NLGN1: variants seen among roughly 807,000 people sequenced by gnomAD.
NLGN1 encodes the protein neuroligin-1.
Under a neutral mutation model 65.5 loss-of-function variants are expected in NLGN1, and 12 were observed. The observed-to-expected ratio is 0.18, with a 90% CI of 0.12 to 0.30. The LOEUF is 0.30. NLGN1 is among the 10% of genes least tolerant of loss of function. The pLI is 1.00. For missense variants in NLGN1, 750 were observed against 1,007.1 expected (o/e 0.74, Z 3.46); for synonymous variants, 350 against 359.5 (o/e 0.97, Z 0.30).
chr3:173,451,917 A>G (rs958121399), intron 2 of NLGN1, among the ~76,000 whole-genome samples: 5 of 152,190 alleles, frequency 3.3e-5, no homozygotes, highest in African/African-American at 4.8e-5. Context: ...AAAGTGCAGT[A>G]TTAGGGTGGG....
chr3:173,866,169 G>A (rs149511084), intron 4 of NLGN1, among the ~76,000 whole-genome samples: 1 of 152,186 alleles, frequency 6.6e-6, no homozygotes, highest in African/African-American at 2.4e-5. Flanking sequence ...TGAATTGCAA[G>A]CAGGTAATTA....
chr3:173,413,364 G>C (rs1178910920), intron 1 of NLGN1, among the ~76,000 whole-genome samples: 1 of 152,110 alleles, frequency 6.6e-6, no homozygotes, highest in South Asian at 2.1e-4. Context: ...CACTTTGGGA[G>C]GCTGAGGTGG....
intron 4 of NLGN1, among the ~76,000 whole-genome samples, chr3:174,217,661 A>G (rs1737868584): frequency 6.6e-6 from 1 of 152,060 alleles, no homozygotes; most frequent in African/African-American, 2.4e-5. Flanking sequence ...GGGGAACATG[A>G]AATTCAGTCC....
At chr3:173,751,985 A>G (rs1776370903) in intron 3 of NLGN1, among the ~76,000 whole-genome samples, 1 of 152,072 alleles carries the variant, frequency 6.6e-6, no homozygotes, top group African/African-American at 2.4e-5. Flanking sequence ...GTTAAAACAC[A>G]ATCTTAACAT....
At chr3:173,522,482 G>A (rs1340271220) in intron 2 of NLGN1, among the ~76,000 whole-genome samples, 1 of 152,188 alleles carries the variant, frequency 6.6e-6, no homozygotes, top group Non-Finnish European at 1.5e-5. Flanking sequence ...CCAGGCTGGA[G>A]TGCAATGGCA....
intron 4 of NLGN1, among the ~76,000 whole-genome samples, chr3:173,878,206 T>C (rs998293277): frequency 2.0e-5 from 3 of 152,058 alleles, no homozygotes; most frequent in African/African-American, 7.3e-5. Flanking sequence ...CACGCCTGGC[T>C]AATTTTTGTA....
At chr3:173,871,566 A>T (rs1189711638) in intron 4 of NLGN1, among the ~76,000 whole-genome samples, 1 of 152,234 alleles carries the variant, frequency 6.6e-6, no homozygotes, top group African/African-American at 2.4e-5. Context: ...ATTAAAAATC[A>T]AGTTGAAGAT....
At chr3:174,194,748 T>C (rs1309924567) in intron 4 of NLGN1, among the ~76,000 whole-genome samples, 1 of 113,838 alleles carries the variant, frequency 8.8e-6, no homozygotes. Context: ...TTTAGACCCA[T>C]AAGGAATGTT....
At chr3:173,637,354 T>G (rs1756755471) in intron 3 of NLGN1, among the ~76,000 whole-genome samples, 1 of 152,160 alleles carries the variant, frequency 6.6e-6, no homozygotes, top group African/African-American at 2.4e-5. Flanking sequence ...TTAAAAGGAA[T>G]AGTGGACAGA....
rs200460803 is a variant in NLGN1, at chr3:173,823,548, A to G, written c.646+15716A>G. ...ACAGCACATGTAGTAGTCCCACTAA[A>G]CAATACAGTTGTGCATAACAGAAAA... On this transcript the variant is annotated intron_variant, in intron 4 of 6. Transcript: ENST00000457714. Among the ~76,000 whole-genome samples the G allele has an allele frequency of 4.6e-5, 7 of 152,192 alleles. No individual in the cohort carries two copies. The East Asian group carries it at 1.2e-3, about 25-fold the overall frequency.
chr3:173,649,635 A>G (rs1758826938), intron 3 of NLGN1, among the ~76,000 whole-genome samples: 2 of 152,132 alleles, frequency 1.3e-5, no homozygotes, highest in African/African-American at 4.8e-5. Flanking sequence ...TAAAGTTAAA[A>G]TAGGTACTTA....
intron 2 of NLGN1, among the ~76,000 whole-genome samples, chr3:173,511,060 T>C (rs1732865071): frequency 6.6e-6 from 1 of 152,152 alleles, no homozygotes; most frequent in Non-Finnish European, 1.5e-5. Flanking sequence ...TATCAGTAAT[T>C]TTATGGTTAT....
intron 3 of NLGN1, among the ~76,000 whole-genome samples, chr3:173,730,536 T>G (rs1398376611): frequency 6.6e-6 from 1 of 151,988 alleles, no homozygotes; most frequent in Non-Finnish European, 1.5e-5. Context: ...TTCAGTGGTA[T>G]TTTACACTCA....
At chr3:174,101,530 TGGCC>T (rs1406928813) in intron 4 of NLGN1, among the ~76,000 whole-genome samples, 4 of 152,220 alleles carry the variant, frequency 2.6e-5, no homozygotes, top group African/African-American at 4.8e-5. Context: ...CTCAGCCTAA[TGGCC>T]TCCCAATTAA....
At chr3:173,545,975 A>G (rs1739748842) in intron 2 of NLGN1, among the ~76,000 whole-genome samples, 1 of 152,176 alleles carries the variant, frequency 6.6e-6, no homozygotes, top group African/African-American at 2.4e-5. Flanking sequence ...GGATAGCATT[A>G]GGAGAAATAC....
intron 4 of NLGN1, among the ~76,000 whole-genome samples, chr3:174,174,828 G>T (rs1729158380): frequency 6.6e-6 from 1 of 151,766 alleles, no homozygotes; most frequent in South Asian, 2.1e-4. Context: ...TGTCCCACAG[G>T]TGATTTTAGA....
Position 174,121,551 on chromosome 3 carries a change from T to A in NLGN1, c.647-153764T>A, listed in dbSNP as rs142234237. Among the ~76,000 whole-genome samples the A allele has an allele frequency of 2.8e-4, 42 of 152,288 alleles. No homozygotes were observed. The East Asian group carries it at 7.0e-3, about 25-fold the overall frequency. On this transcript the variant is annotated intron_variant, in intron 4 of 6. Transcript: ENST00000457714. ...TTGAGCTTCAAGTAGCCTTAGAAATTAGTTCTAAACTAGACTTCCAGCACA... is the reference window on the plus strand; with the variant it reads ...TTGAGCTTCAAGTAGCCTTAGAAATAAGTTCTAAACTAGACTTCCAGCACA...
At position 173,779,803 on chromosome 3, in the gene NLGN1, G is replaced by GT. The variant is rs947957759; in HGVS notation, c.494-27876dup. Among the ~76,000 whole-genome samples, 27 of 152,124 alleles carry GT rather than the reference G, an allele frequency of 1.8e-4. 1 individual carries two copies. The highest frequency in any genetic ancestry group is 1.5e-5 in the Non-Finnish European group (1 of 67,984). ...TGACAGTATAAGTCCCATGCACTGG[G>GT]TAACAGGCCTTAAAGATGAGTGGCA... On this transcript the variant is annotated intron_variant, in intron 3 of 6. Coordinates refer to ENST00000457714, the Ensembl canonical transcript of NLGN1.
intron 4 of NLGN1, among the ~76,000 whole-genome samples, chr3:174,230,249 A>G (rs889868700): frequency 6.6e-6 from 1 of 152,198 alleles, no homozygotes; most frequent in Non-Finnish European, 1.5e-5. Context: ...AGTGAGATGA[A>G]TATTTTCCTA....
Sources: gnomAD v4.1 joint callset for allele counts (sites outside exome capture counted in the v4.1 genomes callset) on GRCh38, gnomAD v4.1.1 for gene constraint, MANE v1.5 for transcripts, NCBI Gene and HGNC (gene_info 2026-07-23, HGNC 2026-07-21) for gene names.